TSHZ2: variants seen among roughly 807,000 people sequenced by gnomAD.
TSHZ2 encodes the protein teashirt homolog 2.
TSHZ2 carries 21 observed loss-of-function variants against 74.4 expected under a neutral mutation model. The ratio of observed to expected loss-of-function variants is 0.28; its 90% CI spans 0.20 to 0.41. The LOEUF (loss-of-function observed/expected upper bound fraction) is 0.41. TSHZ2 is among the 10% of genes least tolerant of loss of function. The probability of loss-of-function intolerance (pLI) is 1.00; values close to 1 mark genes in which losing one functional copy is unlikely to be tolerated. For missense variants in TSHZ2, 1,244 were observed against 1,293.5 expected (o/e 0.96, Z 0.59); for synonymous variants, 540 against 515.3 (o/e 1.05, Z -0.65).
chr20:53,326,679 A>G (rs1032216291), intron 2 of TSHZ2, among the ~76,000 whole-genome samples: 3 of 152,208 alleles, frequency 2.0e-5, no homozygotes, highest in African/African-American at 4.8e-5. Flanking sequence ...GAGATGTGCC[A>G]TCGTTGGAGG....
chr20:53,386,670 A>C (rs1162067730), intron 2 of TSHZ2, among the ~76,000 whole-genome samples: 1 of 152,184 alleles, frequency 6.6e-6, no homozygotes, highest in Non-Finnish European at 1.5e-5. Flanking sequence ...GGGAGTTTGC[A>C]TTGTATCTGA....
chr20:53,361,084 C>T (rs1981032477), intron 2 of TSHZ2, among the ~76,000 whole-genome samples: 1 of 152,172 alleles, frequency 6.6e-6, no homozygotes, highest in Non-Finnish European at 1.5e-5. Flanking sequence ...CCAGGATTTG[C>T]CCCAGCGTGG....
chr20:53,009,920 T>C (rs1333496826), intron 1 of TSHZ2, among the ~76,000 whole-genome samples: 1 of 152,184 alleles, frequency 6.6e-6, no homozygotes, highest in African/African-American at 2.4e-5. Context: ...GTTTGTTTGT[T>C]TGATTTGTTT....
At chr20:53,156,067 G>A (rs1266656858) in intron 1 of TSHZ2, among the ~76,000 whole-genome samples, 2 of 152,180 alleles carry the variant, frequency 1.3e-5, no homozygotes, top group Non-Finnish European at 2.9e-5. Flanking sequence ...CTGCAGCTGA[G>A]AGTGTGCAAG....
At chr20:53,332,946 A>G (rs560884150) in intron 2 of TSHZ2, among the ~76,000 whole-genome samples, 86 of 152,298 alleles carry the variant, frequency 5.6e-4, no homozygotes, top group African/African-American at 1.8e-3. Flanking sequence ...TGACAGGCCG[A>G]GATCCTTCCT....
At chr20:53,397,141 A>G (rs971254682) in intron 2 of TSHZ2, among the ~76,000 whole-genome samples, 2 of 152,196 alleles carry the variant, frequency 1.3e-5, no homozygotes, top group Non-Finnish European at 2.9e-5. Flanking sequence ...TAATTAAACT[A>G]AAGAGCTTCT....
intron 1 of TSHZ2, among the ~76,000 whole-genome samples, chr20:53,221,712 C>T (rs938169436): frequency 2.0e-5 from 3 of 152,142 alleles, no homozygotes; most frequent in African/African-American, 7.2e-5. Context: ...CCCTCCTAAA[C>T]GTGTTTGAGA....
chr20:53,033,224 G>A (rs1357467598), intron 1 of TSHZ2, among the ~76,000 whole-genome samples: 1 of 152,176 alleles, frequency 6.6e-6, no homozygotes, highest in Non-Finnish European at 1.5e-5. Context: ...ATCGAGAATA[G>A]TCCTTTTCTA....
At chr20:53,099,276 C>G (rs1413193555) in intron 1 of TSHZ2, among the ~76,000 whole-genome samples, 1 of 152,156 alleles carries the variant, frequency 6.6e-6, no homozygotes, top group Non-Finnish European at 1.5e-5. Flanking sequence ...TCCCAATTCT[C>G]AATTTAATAG....
intron 1 of TSHZ2, among the ~76,000 whole-genome samples, chr20:53,152,494 TGGC>T (rs1987697576): frequency 6.6e-6 from 1 of 152,222 alleles, no homozygotes; most frequent in African/African-American, 2.4e-5. Flanking sequence ...AATGGCTGAA[TGGC>T]TGTTGCTCTA....
intron 1 of TSHZ2, among the ~76,000 whole-genome samples, chr20:53,196,694 A>G (rs1988879313): frequency 6.6e-6 from 1 of 152,238 alleles, no homozygotes; most frequent in African/African-American, 2.4e-5. Context: ...AAATATATAT[A>G]CGATCTTATT....
chr20:53,462,764 G>C (rs1985420243), intron 2 of TSHZ2, among the ~76,000 whole-genome samples: 2 of 152,174 alleles, frequency 1.3e-5, no homozygotes, highest in Admixed American at 1.3e-4. Context: ...GCACAAATAG[G>C]ATGGCAGAAC....
At chr20:53,316,073 G>A (rs1979003294) in intron 2 of TSHZ2, among the ~76,000 whole-genome samples, 1 of 152,230 alleles carries the variant, frequency 6.6e-6, no homozygotes, top group Non-Finnish European at 1.5e-5. Context: ...CCAGGATGAA[G>A]ATGTGTGTGA....
chr20:53,001,238 G>GTGTGTGTGTGTGTGTGTGTGTGTA (rs1982426809), intron 1 of TSHZ2, among the ~76,000 whole-genome samples: 1 of 146,148 alleles, frequency 6.8e-6, no homozygotes, highest in Non-Finnish European at 1.5e-5. Context: ...GTGTGTGTGT[G>GTGTGTGTGTGTGTGTGTGTGTGTA]TGTGTGTGTG....
intron 2 of TSHZ2, among the ~76,000 whole-genome samples, chr20:53,372,307 C>G (rs1377696621): frequency 6.6e-6 from 1 of 152,066 alleles, no homozygotes; most frequent in Non-Finnish European, 1.5e-5. Context: ...GAAACCCCAT[C>G]TCTACTGAAA....
In TSHZ2 at chr20:52,972,891, C is replaced by A; in HGVS notation, c.-403C>A. ...GCGCGTGTGCGCCCCTCGTCCCTTC[C>A]ATCCGAACCCGGGCTTGGATGTTTA... On this transcript the variant is annotated 5_prime_UTR_variant, in exon 1 of 3. Coordinates refer to ENST00000371497, the MANE Select transcript of TSHZ2 (RefSeq NM_173485.6). The A allele has an allele frequency of 4.2e-6, 1 of 238,548 alleles. No homozygotes were observed. Among genetic ancestry groups the A allele is most frequent in the Non-Finnish European group, 7.9e-6 (1 of 127,200 alleles). 14.8% of individuals were successfully genotyped at this position (238,548 alleles called of 1,614,324 possible).
chr20:53,364,368 G>C lies in TSHZ2; in HGVS notation c.*8+107797G>C, dbSNP rs552401295. ...TTTAAGAGTTCAAACTTGCCTTCCCGCTCAGCATGTTCAAACAAGAGTCAG... is the reference window on the plus strand; with the variant it reads ...TTTAAGAGTTCAAACTTGCCTTCCCCCTCAGCATGTTCAAACAAGAGTCAG... On this transcript the variant is annotated intron_variant, in intron 2 of 2. Transcript: ENST00000371497. Among the ~76,000 whole-genome samples the C allele has an allele frequency of 3.9e-5, 6 of 152,266 alleles. No individual in the cohort carries two copies. In the East Asian group the frequency reaches 9.6e-4, roughly 24 times the overall value.
intron 2 of TSHZ2, among the ~76,000 whole-genome samples, chr20:53,311,535 C>T (rs1978785079): frequency 6.6e-6 from 1 of 152,180 alleles, no homozygotes; most frequent in African/African-American, 2.4e-5. Flanking sequence ...AACAAATCAG[C>T]CCTCAGCCTG....
intron 1 of TSHZ2, among the ~76,000 whole-genome samples, chr20:53,158,539 G>A (rs1987851363): frequency 6.6e-6 from 1 of 152,162 alleles, no homozygotes; most frequent in Admixed American, 6.5e-5. Flanking sequence ...CCTATCAGTG[G>A]GAGAACAGGA....
Sources: gnomAD v4.1 joint callset for allele counts (sites outside exome capture counted in the v4.1 genomes callset) on GRCh38, gnomAD v4.1.1 for gene constraint, MANE v1.5 for transcripts, NCBI Gene and HGNC (gene_info 2026-07-23, HGNC 2026-07-21) for gene names.